Variants in BPNT2 observed in about 807,000 individuals in gnomAD.
BPNT2 encodes the protein Golgi-resident adenosine 3',5'-bisphosphate 3'-phosphatase.
A neutral mutation model predicts 29.3 loss-of-function variants in BPNT2; 11 were observed. That is an observed-to-expected ratio of 0.38 (90% CI 0.24 to 0.62). BPNT2 has a LOEUF of 0.62. Ranked by LOEUF, BPNT2 falls within the 20% of genes least tolerant of loss-of-function variation. BPNT2 has a pLI of 0.62. For synonymous variants in BPNT2, 195 were observed against 187.7 expected (o/e 1.04, Z -0.32); for missense variants, 459 against 473.4 (o/e 0.97, Z 0.28).
chr8:56,972,174 A>G (rs1414758084), intron 3 of BPNT2, among the ~76,000 whole-genome samples: 1 of 152,158 alleles, frequency 6.6e-6, no homozygotes, highest in Non-Finnish European at 1.5e-5. Context: ...TCATCATGGT[A>G]AAAAGTGATC....
intron 3 of BPNT2, among the ~76,000 whole-genome samples, chr8:56,972,366 T>C (rs994940170): frequency 1.3e-5 from 2 of 150,850 alleles, no homozygotes; most frequent in African/African-American, 2.4e-5. Context: ...ACACCACAGA[T>C]TGAGGTCTGT....
At chr8:56,972,741 G>A (rs1460600477) in intron 3 of BPNT2, among the ~76,000 whole-genome samples, 2 of 151,958 alleles carry the variant, frequency 1.3e-5, no homozygotes, top group Non-Finnish European at 2.9e-5. Flanking sequence ...AGGAGTAGCA[G>A]CTTCTACCAA....
At chr8:56,967,614 C>T (rs1327908825) in intron 3 of BPNT2, among the ~76,000 whole-genome samples, 2 of 152,020 alleles carry the variant, frequency 1.3e-5, no homozygotes, top group African/African-American at 4.8e-5. Flanking sequence ...TTGAAAAAGG[C>T]TTGAAACTTG....
rs1288536418 is a variant in BPNT2, at chr8:56,961,588, A to G, written c.*2205T>C. 6.6e-6 allele frequency: 1 copy of G among 152,222 alleles called. No homozygotes were observed. The highest frequency in any genetic ancestry group is 1.5e-5 in the Non-Finnish European group (1 of 68,056). 9.4% of individuals were successfully genotyped at this position (152,222 alleles called of 1,614,324 possible). ...TACAATTAAAAATAAAAATAAAATC[A>G]TCACTTTGGGAGGCCGAGGTGGGCG... On this transcript the variant is annotated 3_prime_UTR_variant, in exon 5 of 5. Transcript: ENST00000262644.
intron 3 of BPNT2, among the ~76,000 whole-genome samples, chr8:56,969,239 A>C (rs1805995167): frequency 6.6e-6 from 1 of 152,230 alleles, no homozygotes; most frequent in Non-Finnish European, 1.5e-5. Context: ...ACTAATACAG[A>C]GTGAACCAAA....
chr8:56,978,859 G>A lies in BPNT2; in HGVS notation c.551-714C>T, dbSNP rs552763999. Among the ~76,000 whole-genome samples the A allele has an allele frequency of 2.0e-5, 3 of 152,252 alleles. 1 individual carries two copies. Among genetic ancestry groups the A allele is most frequent in the African/African-American group, 7.2e-5 (3 of 41,558 alleles). On this transcript the variant is annotated intron_variant, in intron 2 of 4. Coordinates refer to ENST00000262644, the MANE Select transcript of BPNT2 (RefSeq NM_017813.5). Reference sequence around the variant, plus strand: ...AATGATGAGAACACATGGACACATAGAGGGGAACACCACACACTGGGGCCT... The same window carrying A: ...AATGATGAGAACACATGGACACATAAAGGGGAACACCACACACTGGGGCCT...
In BPNT2 at chr8:56,961,381, T is replaced by A. The variant is rs536941047; in HGVS notation, c.*2412A>T. On this transcript the variant is annotated 3_prime_UTR_variant, in exon 5 of 5. Coordinates refer to ENST00000262644, the MANE Select transcript of BPNT2 (RefSeq NM_017813.5). ...ACTGTTCCTAATTCTGCAACGTATATTGGCTTTTAAAAACAAACAATTTTA... is the reference window on the plus strand; with the variant it reads ...ACTGTTCCTAATTCTGCAACGTATAATGGCTTTTAAAAACAAACAATTTTA... The A allele has an allele frequency of 6.6e-6, 1 of 152,324 alleles. No individual in the cohort carries two copies. Among genetic ancestry groups the A allele is most frequent in the Admixed American group, 6.5e-5 (1 of 15,286 alleles). 9.4% of individuals were successfully genotyped at this position (152,324 alleles called of 1,614,324 possible). A position where few individuals can be genotyped will look rare whatever the true frequency, so the allele number is the denominator to read the frequency against.
Position 56,963,721 on chromosome 8 carries a change from T to C in BPNT2, c.*72A>G, listed in dbSNP as rs922875995. 9.0e-6 allele frequency: 14 copies of C among 1,561,014 alleles called. No homozygotes were observed. In the African/African-American group the frequency reaches 1.4e-4, roughly 15 times the overall value. On this transcript the variant is annotated 3_prime_UTR_variant, in exon 5 of 5. Coordinates refer to ENST00000262644, the MANE Select transcript of BPNT2 (RefSeq NM_017813.5). ...CTTAACCATGCATAGTCTCCACCAA[T>C]CCTTTGAAGCTTCCAGCATCTCAGG... is the stretch of plus-strand genomic sequence containing the variant.
chr8:56,968,031 T>C (rs544173894), intron 3 of BPNT2, among the ~76,000 whole-genome samples: 9 of 151,992 alleles, frequency 5.9e-5, no homozygotes, highest in African/African-American at 2.2e-4. Flanking sequence ...ATAGAGAACA[T>C]AGATTAAAAC....
intron 1 of BPNT2, among the ~76,000 whole-genome samples, chr8:56,980,996 T>A (rs1806232620): frequency 6.9e-6 from 1 of 144,336 alleles, no homozygotes; most frequent in Non-Finnish European, 1.5e-5. Context: ...TCCTTTAAAT[T>A]GAGATTGCTC....
chr8:56,979,003 C>A (rs117611362), intron 2 of BPNT2, among the ~76,000 whole-genome samples: 1 of 152,074 alleles, frequency 6.6e-6, no homozygotes, highest in African/African-American at 2.4e-5. Flanking sequence ...CACAAGTTTA[C>A]CCTATGTAAC....
chr8:56,960,946 A>G lies in BPNT2; in HGVS notation c.*2847T>C, dbSNP rs1218065485. On this transcript the variant is annotated 3_prime_UTR_variant, in exon 5 of 5. Coordinates refer to ENST00000262644, the MANE Select transcript of BPNT2 (RefSeq NM_017813.5). ...CAGCAGCCAATATCCAGAAAAATGT[A>G]TATCTAAAAGAATTTGGGAGTGAGA... is the stretch of plus-strand genomic sequence containing the variant. The G allele has an allele frequency of 1.3e-5, 2 of 152,204 alleles. No individual in the cohort carries two copies. Among genetic ancestry groups the G allele is most frequent in the Non-Finnish European group, 2.9e-5 (2 of 68,046 alleles). The allele number at this position is 152,204 out of a possible 1,614,324, so 9.4% of individuals were successfully genotyped here. A position where few individuals can be genotyped will look rare whatever the true frequency, so the allele number is the denominator to read the frequency against.
In BPNT2 at chr8:56,963,652, A is replaced by T; in HGVS notation, c.*141T>A. The stretch of plus-strand genomic sequence containing the variant: ...TTTTGCATTCTATTACAGGGAAAAT[A>T]AGTCTCTGATGCTTCATAAATACTT... On this transcript the variant is annotated 3_prime_UTR_variant, in exon 5 of 5. Transcript: ENST00000262644. 1 of 872,028 alleles carries T rather than the reference A, an allele frequency of 1.1e-6. No individual in the cohort carries two copies. Among genetic ancestry groups the T allele is most frequent in the Non-Finnish European group, 1.8e-6 (1 of 547,494 alleles). The allele number at this position is 872,028 out of a possible 1,614,324, so 54.0% of individuals were successfully genotyped here.
At chr8:56,988,221 A>C (rs1318278709) in intron 1 of BPNT2, among the ~76,000 whole-genome samples, 1 of 152,222 alleles carries the variant, frequency 6.6e-6, no homozygotes, top group Non-Finnish European at 1.5e-5. Flanking sequence ...CTCTTAGGAA[A>C]CATAATACAC....
intron 1 of BPNT2, among the ~76,000 whole-genome samples, chr8:56,980,697 T>C (rs952286033): frequency 6.6e-6 from 1 of 151,154 alleles, no homozygotes; most frequent in Non-Finnish European, 1.5e-5. Flanking sequence ...TACAGATATG[T>C]AAGGATGTGG....
At chr8:56,987,265 A>G (rs922001505) in intron 1 of BPNT2, among the ~76,000 whole-genome samples, 3 of 152,210 alleles carry the variant, frequency 2.0e-5, no homozygotes, top group Non-Finnish European at 2.9e-5. Context: ...TGGCAACTTG[A>G]CTGGATTATG....
chr8:56,977,975 A>T, intron 3 of BPNT2, 75 bp downstream of exon 3: 1 of 940,714 alleles, frequency 1.1e-6, no homozygotes, highest in Non-Finnish European at 1.8e-6. Context: ...ATACAAATTT[A>T]GGTACATGAC....
chr8:56,991,857 A>G (rs1171691926), intron 1 of BPNT2, among the ~76,000 whole-genome samples: 1 of 152,184 alleles, frequency 6.6e-6, no homozygotes, highest in Non-Finnish European at 1.5e-5. Context: ...TATTTCATAA[A>G]CACACCTTAC....
At chr8:56,986,605 T>C (rs1022248098) in intron 1 of BPNT2, among the ~76,000 whole-genome samples, 3 of 152,202 alleles carry the variant, frequency 2.0e-5, no homozygotes, top group South Asian at 2.1e-4. Flanking sequence ...GTTGAAAATA[T>C]CTGAAGTCAA....
Sources: gnomAD v4.1 joint callset for allele counts (sites outside exome capture counted in the v4.1 genomes callset) on GRCh38, gnomAD v4.1.1 for gene constraint, MANE v1.5 for transcripts, NCBI Gene and HGNC (gene_info 2026-07-23, HGNC 2026-07-21) for gene names.